Variants in RMND5B observed in about 807,000 individuals in gnomAD.
The protein encoded by RMND5B is E3 ubiquitin-protein transferase RMND5B.
A neutral mutation model predicts 50.4 loss-of-function variants in RMND5B; 42 were observed. That is an observed-to-expected ratio of 0.83 (90% CI 0.65 to 1.08). The LOEUF (loss-of-function observed/expected upper bound fraction) is 1.08. Ranked by LOEUF, RMND5B falls within the 50% of genes least tolerant of loss-of-function variation. The pLI is 0.00. For synonymous variants in RMND5B, 220 were observed against 210.0 expected (o/e 1.05, Z -0.41); for missense variants, 463 against 508.5 (o/e 0.91, Z 0.86).
intron 5 of RMND5B, among the ~76,000 whole-genome samples, chr5:178,143,424 C>T (rs1363005289): frequency 6.6e-6 from 1 of 152,152 alleles, no homozygotes; most frequent in African/African-American, 2.4e-5. Context: ...AGTCTGCACT[C>T]GAGGTCAGCA....
rs894538106 is a variant in RMND5B at position 178,148,141 on chromosome 5, G to A, written c.*109G>A. ...ACTGTGGTTGGTTTCAGAGCGCCTG[G>A]CTGAGGAGTTCCACTGAGGGGAGCA... is the stretch of plus-strand genomic sequence containing the variant. On this transcript the variant is annotated 3_prime_UTR_variant, in exon 11 of 11. Transcript: ENST00000313386. 1.6e-5 allele frequency: 17 copies of A among 1,095,774 alleles called. No individual in the cohort carries two copies. Among genetic ancestry groups the A allele is most frequent in the African/African-American group, 1.2e-4 (8 of 64,892 alleles). 67.9% of individuals were successfully genotyped at this position (1,095,774 alleles called of 1,614,324 possible). A position where few individuals can be genotyped will look rare whatever the true frequency, so the allele number is the denominator to read the frequency against.
In RMND5B at chr5:178,138,519, TTGTGTGTGTGTG is replaced by T. The variant is rs10657977; in HGVS notation, c.139+279_139+290del. On this transcript the variant is annotated intron_variant, in intron 3 of 10. Transcript: ENST00000313386. This position sits in a 1 kb window ranked among gnomAD's most constrained non-coding sequence, Gnocchi z 5.1. Reference sequence around the variant, plus strand: ...TTTTTAACTTTTTTTCATTTTATAATTGTGTGTGTGTGTGTGTGTGTGTGTGTGTAGAAACAG... The same window carrying T: ...TTTTTAACTTTTTTTCATTTTATAATTGTGTGTGTGTGTGTGTAGAAACAG... 2.9e-4 allele frequency: 88 copies of T among 301,476 alleles called. No homozygotes were observed. Among genetic ancestry groups the T allele is most frequent in the Middle Eastern group, 2.5e-3 (2 of 796 alleles). The allele number at this position is 301,476 out of a possible 1,614,324, so 18.7% of individuals were successfully genotyped here.
intron 2 of RMND5B, among the ~76,000 whole-genome samples, chr5:178,131,994 A>T (rs771397707): frequency 2.6e-5 from 4 of 152,074 alleles, no homozygotes; most frequent in Non-Finnish European, 4.4e-5. Flanking sequence ...TAGGGTAGAG[A>T]GTGGATGGAG....
In RMND5B at chr5:178,142,744, G is replaced by A; in HGVS notation, c.285+16G>A. The A allele has an allele frequency of 1.2e-6, 2 of 1,614,232 alleles. No individual in the cohort carries two copies. The highest frequency in any genetic ancestry group is 1.7e-6 in the Non-Finnish European group (2 of 1,180,048). ...CATTGACAGGGTGAGCACGTGGCCGGCTCCAGGCGTGGGGTGGGAGCACCC... is the reference window on the plus strand; with the variant it reads ...CATTGACAGGGTGAGCACGTGGCCGACTCCAGGCGTGGGGTGGGAGCACCC... On this transcript the variant is annotated intron_variant, in intron 4 of 10. Transcript: ENST00000313386.
intron 8 of RMND5B, chr5:178,147,301 T>C (rs899729179): frequency 1.1e-5 from 6 of 570,034 alleles, no homozygotes; most frequent in Non-Finnish European, 1.9e-5. Flanking sequence ...ATAGGAAGTC[T>C]TCCCTGTAGG....
rs990679777 is a variant in RMND5B, at chr5:178,148,279, T to C, written c.*247T>C. 1.8e-6 allele frequency: 1 copy of C among 570,432 alleles called. No individual in the cohort carries two copies. The highest frequency in any genetic ancestry group is 3.1e-6 in the Non-Finnish European group (1 of 318,570). 35.3% of individuals were successfully genotyped at this position (570,432 alleles called of 1,614,324 possible). A position where few individuals can be genotyped will look rare whatever the true frequency, so the allele number is the denominator to read the frequency against. On this transcript the variant is annotated 3_prime_UTR_variant, in exon 11 of 11. Coordinates refer to ENST00000313386, the MANE Select transcript of RMND5B (RefSeq NM_022762.5). ...GCTGGCCTCTGTGCTCCTGCTGTCT[T>C]TTCCTGTTTCTGTTTGCGTTTGACT...
chr5:178,146,566 T>C (rs553070599), intron 8 of RMND5B: 4 of 360,950 alleles, frequency 1.1e-5, no homozygotes, highest in South Asian at 9.0e-5. Flanking sequence ...CCCTGGATCA[T>C]TGCAAGACCT....
chr5:178,139,731 G>GTT (rs1561633623), intron 3 of RMND5B, among the ~76,000 whole-genome samples: 1 of 139,490 alleles, frequency 7.2e-6, no homozygotes, highest in Non-Finnish European at 1.5e-5. Context: ...TTTTTTTTTG[G>GTT]ATTTTTAGTA....
intron 2 of RMND5B, among the ~76,000 whole-genome samples, chr5:178,132,640 G>A (rs1488727061): frequency 1.3e-5 from 2 of 151,728 alleles, no homozygotes; most frequent in African/African-American, 4.8e-5. Flanking sequence ...GGGCTGAGGT[G>A]GGAGGATCAC....
At chr5:178,139,053 T>G (rs944927943) in intron 3 of RMND5B, among the ~76,000 whole-genome samples, 4 of 152,036 alleles carry the variant, frequency 2.6e-5, no homozygotes, top group African/African-American at 7.2e-5. Context: ...ATACAAAAAT[T>G]AGCTGGGCAT....
At chr5:178,141,413 G>A (rs1758934872) in intron 3 of RMND5B, 3 of 152,386 alleles carry the variant, frequency 2.0e-5, no homozygotes, top group Non-Finnish European at 1.5e-5. Context: ...GCTGAGGCAG[G>A]AGAATCGCTT....
At chr5:178,143,079 A>C in intron 5 of RMND5B, 87 bp downstream of exon 5, 5 of 1,437,084 alleles carry the variant, frequency 3.5e-6, no homozygotes, top group Non-Finnish European at 4.7e-6. Flanking sequence ...TACCATTCTC[A>C]AATCCATTTA....
chr5:178,146,292 C>A lies in RMND5B; in HGVS notation c.860+13C>A. The A allele has an allele frequency of 1.9e-6, 3 of 1,612,140 alleles. No individual in the cohort carries two copies. The highest frequency in any genetic ancestry group is 2.5e-6 in the Non-Finnish European group (3 of 1,178,648). ...CCCTTAGCGTCAGGTACAACCCAGC[C>A]CTGTGAGGGCAGCACAGGTGGGAGG... On this transcript the variant is annotated intron_variant, in intron 8 of 10. Coordinates refer to ENST00000313386, the MANE Select transcript of RMND5B (RefSeq NM_022762.5).
intron 2 of RMND5B, chr5:178,135,218 TG>T: frequency 4.5e-6 from 1 of 220,768 alleles, no homozygotes; most frequent in South Asian, 4.3e-5. Context: ...TAATCATGGC[TG>T]ACTGCAGCCT....
At chr5:178,142,355 T>A in intron 3 of RMND5B, 1 of 517,268 alleles carries the variant, frequency 1.9e-6, no homozygotes, top group Non-Finnish European at 3.4e-6. Context: ...ATTTCACAGA[T>A]GAGGAAATGA....
intron 3 of RMND5B, among the ~76,000 whole-genome samples, chr5:178,140,040 G>A (rs1423734004): frequency 3.9e-5 from 6 of 152,044 alleles, no homozygotes; most frequent in Non-Finnish European, 7.4e-5. Flanking sequence ...TTTGCAGAAC[G>A]TCTCTCAATT....
intron 8 of RMND5B, chr5:178,146,491 G>A: frequency 1.9e-6 from 1 of 536,990 alleles, no homozygotes; most frequent in South Asian, 2.6e-5. Context: ...TGAGGTCAGT[G>A]GCATGGTCAA....
At chr5:178,142,281 G>A (rs1758986419) in intron 3 of RMND5B, 1 of 345,352 alleles carries the variant, frequency 2.9e-6, no homozygotes, top group Non-Finnish European at 5.3e-6. Context: ...TGTAGTCCAT[G>A]AGTTGAAATA....
Position 178,150,166 on chromosome 5 carries a change from C to G in RMND5B, c.*2134C>G, listed in dbSNP as rs1756230460. The G allele has an allele frequency of 3.7e-6, 1 of 266,862 alleles. No homozygotes were observed. Among genetic ancestry groups the G allele is most frequent in the Non-Finnish European group, 7.3e-6 (1 of 137,268 alleles). 16.5% of individuals were successfully genotyped at this position (266,862 alleles called of 1,614,324 possible). ...GTAAGATAAGGACAGCTACAGGTCC[C>G]TCTGAGCCTAAACCCACCTAACCGG... On this transcript the variant is annotated 3_prime_UTR_variant, in exon 11 of 11. Transcript: ENST00000313386.
Sources: allele counts gnomAD v4.1 joint callset (sites outside exome capture counted in the v4.1 genomes callset), GRCh38; gene constraint gnomAD v4.1.1; non-coding constraint Gnocchi (gnomAD v3.1); transcripts MANE v1.5; gene names NCBI Gene and HGNC (gene_info 2026-07-23, HGNC 2026-07-21).